SLC5A4: variants seen among roughly 807,000 people sequenced by gnomAD.
The protein encoded by SLC5A4 is probable glucose sensor protein SLC5A4.
In SLC5A4, 55 loss-of-function variants were observed where a neutral mutation model predicts 70.3. The observed-to-expected ratio is 0.78, with a 90% confidence interval of 0.63 to 0.98. The LOEUF (loss-of-function observed/expected upper bound fraction) is 0.98. Ranked by LOEUF, SLC5A4 falls within the 50% of genes least tolerant of loss-of-function variation. The pLI, the probability that SLC5A4 is intolerant of heterozygous loss-of-function variation, is 0.00. For missense variants in SLC5A4, 735 were observed against 839.2 expected, an observed-to-expected ratio of 0.88 and a Z score of 1.53; for synonymous variants, 268 against 305.7, an observed-to-expected ratio of 0.88 and a Z score of 1.29.
chr22:32,350,906 T>TAA, the SLC5A4 span, among the ~76,000 whole-genome samples: 3 of 140,018 alleles, frequency 2.1e-5, no homozygotes, highest in African/African-American at 7.8e-5. Flanking sequence ...GAGAAATCAG[T>TAA]AAAAAAAAAA....
the SLC5A4 span, among the ~76,000 whole-genome samples, chr22:32,328,388 TGGGATGTCCCTTCCAA>T: frequency 6.6e-6 from 1 of 152,142 alleles, no homozygotes; most frequent in Non-Finnish European, 1.5e-5. Flanking sequence ...GTGACAGGCA[TGGGATGTCCCTTCCAA>T]GGTTAGGCTC....
the SLC5A4 span, among the ~76,000 whole-genome samples, chr22:32,344,238 C>T: frequency 6.6e-6 from 1 of 152,142 alleles, no homozygotes; most frequent in African/African-American, 2.4e-5. Flanking sequence ...CCTTTCTGAG[C>T]CACATTTGCC....
At chr22:32,273,188 C>T in the SLC5A4 span, 2 of 376,232 alleles carry the variant, frequency 5.3e-6, no homozygotes, top group East Asian at 6.5e-5. Flanking sequence ...GGAATATATA[C>T]TTTCTGGAAG....
chr22:32,328,089 AACACACAAAC>A, the SLC5A4 span, among the ~76,000 whole-genome samples: 1 of 78,196 alleles, frequency 1.3e-5, no homozygotes, highest in Non-Finnish European at 4.3e-5. Context: ...CAGAGCCCCC[AACACACAAAC>A]ACACACACAC....
At chr22:32,302,769 C>T in the SLC5A4 span, among the ~76,000 whole-genome samples, 2 of 152,104 alleles carry the variant, frequency 1.3e-5, no homozygotes, top group East Asian at 1.9e-4. Flanking sequence ...CCCATTTCTC[C>T]CACTTTACTC....
At chr22:32,234,482 T>C (rs1925945697) in intron 8 of SLC5A4, among the ~76,000 whole-genome samples, 1 of 152,156 alleles carries the variant, frequency 6.6e-6, no homozygotes, top group African/African-American at 2.4e-5. Context: ...GCAGATCACC[T>C]AAGGTCAGGT....
chr22:32,265,652 C>A, the SLC5A4 span, among the ~76,000 whole-genome samples: 3 of 152,046 alleles, frequency 2.0e-5, no homozygotes, highest in Admixed American at 6.6e-5. Flanking sequence ...CCAGCCCAGT[C>A]AACATGGTGA....
chr22:32,307,237 A>C, the SLC5A4 span, among the ~76,000 whole-genome samples: 3,255 of 152,238 alleles, frequency 0.021, 57 homozygotes, highest in Non-Finnish European at 0.033. Flanking sequence ...CTTTGATGTG[A>C]AGATAGGAGT....
At chr22:32,229,409 G>A in intron 10 of SLC5A4, 65 bp from the exon 11 acceptor site, 1 of 1,541,568 alleles carries the variant, frequency 6.5e-7, no homozygotes, top group African/African-American at 1.4e-5. Context: ...AACCAGAGAG[G>A]GTTGAAAGGT....
chr22:32,348,863 GAC>G, the SLC5A4 span, among the ~76,000 whole-genome samples: 2 of 152,168 alleles, frequency 1.3e-5, no homozygotes, highest in Non-Finnish European at 2.9e-5. Flanking sequence ...AACACGCTCA[GAC>G]ACACAATTCT....
chr22:32,316,243 ATGT>A, the SLC5A4 span, among the ~76,000 whole-genome samples: 40 of 151,716 alleles, frequency 2.6e-4, no homozygotes, highest in Non-Finnish European at 5.0e-4. Context: ...GGTAAATGTT[ATGT>A]GCATTTTACC....
At chr22:32,353,798 TAC>T in the SLC5A4 span, among the ~76,000 whole-genome samples, 10,670 of 146,746 alleles carry the variant, frequency 0.073, 783 homozygotes, top group East Asian at 0.47. Context: ...CTCCCTGCCG[TAC>T]ACAGTGTAGC....
At chr22:32,243,718 T>C (rs1314633617) in intron 5 of SLC5A4, among the ~76,000 whole-genome samples, 1 of 152,188 alleles carries the variant, frequency 6.6e-6, no homozygotes, top group Non-Finnish European at 1.5e-5. Context: ...CAATTTCAAA[T>C]AGTTAAAAAC....
the SLC5A4 span, among the ~76,000 whole-genome samples, chr22:32,317,971 TCAC>T: frequency 3.9e-5 from 6 of 152,170 alleles, no homozygotes; most frequent in Non-Finnish European, 7.3e-5. Flanking sequence ...CTTGTCAAGG[TCAC>T]CAAAGACCTC....
the SLC5A4 span, among the ~76,000 whole-genome samples, chr22:32,273,774 G>C: frequency 6.6e-6 from 1 of 151,674 alleles, no homozygotes; most frequent in Middle Eastern, 3.4e-3. Context: ...CTAAACAAGA[G>C]AAAGCAAAAC....
At chr22:32,303,194 T>A in the SLC5A4 span, among the ~76,000 whole-genome samples, 4,033 of 152,296 alleles carry the variant, frequency 0.026, 54 homozygotes, top group Admixed American at 0.034. Context: ...GTGTCCAAGG[T>A]GGCTGGGGCA....
chr22:32,354,979 G>A, the SLC5A4 span: 2 of 152,270 alleles, frequency 1.3e-5, no homozygotes, highest in Non-Finnish European at 2.9e-5. Context: ...AGACTCCAGT[G>A]TGCTCAGGAA....
the SLC5A4 span, among the ~76,000 whole-genome samples, chr22:32,307,517 C>T: frequency 3.3e-5 from 5 of 152,156 alleles, no homozygotes; most frequent in South Asian, 2.1e-4. Context: ...GGCAGGCGTT[C>T]GGCAAGTGTC....
At chr22:32,277,337 G>A in the SLC5A4 span, among the ~76,000 whole-genome samples, 1 of 151,916 alleles carries the variant, frequency 6.6e-6, no homozygotes, top group Non-Finnish European at 1.5e-5. Flanking sequence ...TGAGTCTCCC[G>A]GAAATGATAG....
Sources: gnomAD v4.1 joint callset for allele counts (sites outside exome capture counted in the v4.1 genomes callset) on GRCh38, gnomAD v4.1.1 for gene constraint, MANE v1.5 for transcripts, NCBI Gene and HGNC (gene_info 2026-07-23, HGNC 2026-07-21) for gene names.